ATL1: variants seen among roughly 807,000 people sequenced by gnomAD.
ATL1 encodes the protein atlastin GTPase 1, also known as atlastin-1.
In ATL1, 31 loss-of-function variants were observed where a neutral mutation model predicts 75.5. That is an observed-to-expected ratio of 0.41 (90% CI 0.31 to 0.55). The LOEUF is 0.55. Ranked by LOEUF, ATL1 falls within the 20% of genes least tolerant of loss-of-function variation. The probability of loss-of-function intolerance (pLI) is 0.27; values close to 1 mark genes in which losing one functional copy is unlikely to be tolerated. For missense variants in ATL1, 405 were observed against 662.6 expected, an observed-to-expected ratio of 0.61 and a Z score of 4.27; for synonymous variants, 226 against 233.3, an observed-to-expected ratio of 0.97 and a Z score of 0.28.
At chr14:50,546,675 G>A (rs969294378) in intron 1 of ATL1, among the ~76,000 whole-genome samples, 7 of 152,120 alleles carry the variant, frequency 4.6e-5, no homozygotes, top group African/African-American at 1.7e-4. Context: ...ATTTTAAGAT[G>A]TCAGAGTTTG....
At chr14:50,611,471 T>C (rs1443526096) in intron 6 of ATL1, among the ~76,000 whole-genome samples, 1 of 152,120 alleles carries the variant, frequency 6.6e-6, no homozygotes, top group Non-Finnish European at 1.5e-5. Flanking sequence ...TATTTCAAAG[T>C]TATGACATGT....
At chr14:50,542,280 G>A (rs2038574366) in intron 1 of ATL1, among the ~76,000 whole-genome samples, 1 of 147,348 alleles carries the variant, frequency 6.8e-6, no homozygotes, top group Admixed American at 6.8e-5. Flanking sequence ...GGGGGCCTGT[G>A]GTGTCGGGGG....
At chr14:50,610,030 T>C (rs1025334167) in intron 6 of ATL1, among the ~76,000 whole-genome samples, 2 of 151,976 alleles carry the variant, frequency 1.3e-5, no homozygotes, top group South Asian at 2.1e-4. Flanking sequence ...GCCCCACAGA[T>C]TATGTAAGCT....
intron 1 of ATL1, among the ~76,000 whole-genome samples, chr14:50,539,500 T>C (rs773979655): frequency 3.9e-5 from 6 of 152,226 alleles, no homozygotes; most frequent in Non-Finnish European, 7.3e-5. Flanking sequence ...AGGGCCTGAC[T>C]ATAAAGGCTT....
At chr14:50,626,882 CCT>C (rs1217588792) in intron 11 of ATL1, among the ~76,000 whole-genome samples, 2 of 152,158 alleles carry the variant, frequency 1.3e-5, no homozygotes, top group Non-Finnish European at 2.9e-5. Context: ...CATTAATCAA[CCT>C]CTCTTCATCC....
At chr14:50,543,225 A>G (rs189433005) in intron 1 of ATL1, among the ~76,000 whole-genome samples, 1 of 152,332 alleles carries the variant, frequency 6.6e-6, no homozygotes, top group Non-Finnish European at 1.5e-5. Context: ...AGGATAATTC[A>G]GTTACTGCCA....
At chr14:50,581,028 T>C (rs1398103708) in intron 1 of ATL1, among the ~76,000 whole-genome samples, 1 of 151,938 alleles carries the variant, frequency 6.6e-6, no homozygotes, top group Non-Finnish European at 1.5e-5. Flanking sequence ...GTAGGATCTA[T>C]AGTATCTTTT....
chr14:50,559,988 C>CT (rs1432940879), upstream of ATL1: 1 of 528,930 alleles, frequency 1.9e-6, no homozygotes, highest in Non-Finnish European at 3.4e-6. Flanking sequence ...GGTACGTGGT[C>CT]TATCACTGTC....
Position 50,613,362 on chromosome 14 carries a change from T to A in ATL1, c.723+11T>A. ...GAAAAACGCCTCAAGGTTTGTTAGA[T>A]ATTTAGGTGCATGAAATTTCACTAA... On this transcript the variant is annotated intron_variant, in intron 7 of 13. Transcript: ENST00000358385. The A allele has an allele frequency of 6.3e-7, 1 of 1,595,962 alleles. No homozygotes were observed. Among genetic ancestry groups the A allele is most frequent in the South Asian group, 1.1e-5 (1 of 90,694 alleles).
At chr14:50,623,089 G>A (rs2039483270) in intron 10 of ATL1, 88 bp from the exon 11 acceptor site, 1 of 1,055,252 alleles carries the variant, frequency 9.5e-7, no homozygotes, top group Admixed American at 1.9e-5. Context: ...CACATTTCTT[G>A]CACATGATGC....
At chr14:50,598,182 T>C (rs2039239101) in intron 6 of ATL1, among the ~76,000 whole-genome samples, 2 of 152,242 alleles carry the variant, frequency 1.3e-5, no homozygotes, top group South Asian at 4.1e-4. Flanking sequence ...ACCAAAGAGA[T>C]ATAATATGAT....
intron 7 of ATL1, among the ~76,000 whole-genome samples, chr14:50,613,850 A>C (rs1197681218): frequency 6.6e-6 from 1 of 152,202 alleles, no homozygotes; most frequent in African/African-American, 2.4e-5. Flanking sequence ...CAGTCATAAA[A>C]GTTTGTCTGT....
rs372066395 is a variant in ATL1 at position 50,597,220 on chromosome 14, C to CAAAAAAAAAAAAAAA, written c.630+1601_630+1602insAAAAAAAAAAAAAAA. On this transcript the variant is annotated intron_variant, in intron 6 of 13. Coordinates refer to ENST00000358385, the MANE Select transcript of ATL1 (RefSeq NM_015915.5). ...CAAGACTCTGTCTCAAAAAAACAAACAAAAAAAAAAAAAGAAAAAAGAAAA... is the reference window on the plus strand; with the variant it reads ...CAAGACTCTGTCTCAAAAAAACAAACAAAAAAAAAAAAAAAAAAAAAAAAAAAAGAAAAAAGAAAA... Among the ~76,000 whole-genome samples the CAAAAAAAAAAAAAAA allele has an allele frequency of 8.4e-4, 91 of 108,346 alleles. 1 individual carries two copies. The highest frequency in any genetic ancestry group is 2.1e-3 in the African/African-American group (51 of 24,102). The allele number at this position is 108,346 out of a possible 152,430, so 71.1% of individuals were successfully genotyped here.
intron 4 of ATL1, among the ~76,000 whole-genome samples, chr14:50,592,931 T>A (rs867921818): frequency 0.057 from 5,770 of 100,774 alleles, 259 homozygotes; most frequent in African/African-American, 0.18. Context: ...AAAAAAAAAA[T>A]ATATATATAT....
chr14:50,549,206 T>G (rs913308597), intron 1 of ATL1, among the ~76,000 whole-genome samples: 17 of 152,156 alleles, frequency 1.1e-4, no homozygotes, highest in African/African-American at 3.4e-4. Flanking sequence ...GGTACATTGA[T>G]GGGTCTAGCA....
chr14:50,624,311 C>CA (rs1595622217), intron 11 of ATL1, among the ~76,000 whole-genome samples: 2 of 152,154 alleles, frequency 1.3e-5, no homozygotes, highest in East Asian at 3.9e-4. Flanking sequence ...AGCAAGTGCT[C>CA]ACTTCATGCC....
At chr14:50,620,290 T>C (rs2039455000) in intron 8 of ATL1, among the ~76,000 whole-genome samples, 1 of 151,924 alleles carries the variant, frequency 6.6e-6, no homozygotes. Context: ...AAAACAAAAC[T>C]TGAACTGGTT....
chr14:50,584,077 T>C (rs763573885), intron 1 of ATL1, among the ~76,000 whole-genome samples: 4 of 152,114 alleles, frequency 2.6e-5, no homozygotes, highest in Non-Finnish European at 5.9e-5. Flanking sequence ...AAAAGCAAAC[T>C]TTAAAACATA....
At chr14:50,602,616 T>C (rs918754951) in intron 6 of ATL1, among the ~76,000 whole-genome samples, 1 of 152,098 alleles carries the variant, frequency 6.6e-6, no homozygotes, top group African/African-American at 2.4e-5. Flanking sequence ...AGTAGGCCGG[T>C]CTGCAAAATC....
Sources: gnomAD v4.1 joint callset for allele counts (sites outside exome capture counted in the v4.1 genomes callset) on GRCh38, gnomAD v4.1.1 for gene constraint, MANE v1.5 for transcripts, NCBI Gene and HGNC (gene_info 2026-07-23, HGNC 2026-07-21) for gene names.